The following ZNF438 variants were observed in gnomAD, a reference collection of about 807,000 sequenced individuals.
ZNF438 encodes zinc finger protein 438.
A neutral mutation model predicts 38.0 loss-of-function variants in ZNF438; 25 were observed. The ratio of observed to expected loss-of-function variants is 0.66; its 90% CI spans 0.48 to 0.92. The LOEUF (loss-of-function observed/expected upper bound fraction) is 0.92, where lower values mean the gene tolerates loss of function less well. Among genes scored for constraint, ZNF438 ranks in the 40% least tolerant of loss-of-function variants. The probability of loss-of-function intolerance (pLI) is 0.00; values close to 1 mark genes in which losing one functional copy is unlikely to be tolerated. For synonymous variants in ZNF438, 372 were observed against 364.1 expected, an observed-to-expected ratio of 1.02 and a Z score of -0.25; for missense variants, 1,007 against 999.6, an observed-to-expected ratio of 1.01 and a Z score of -0.10.
chr10:30,865,176 C>T (rs2036223202), intron 4 of ZNF438, among the ~76,000 whole-genome samples: 1 of 152,224 alleles, frequency 6.6e-6, no homozygotes, highest in Non-Finnish European at 1.5e-5. Context: ...TTTTGAACAA[C>T]CTTTTTCCAA....
intron 1 of ZNF438, among the ~76,000 whole-genome samples, chr10:30,976,474 G>A (rs2051361648): frequency 6.6e-6 from 1 of 152,190 alleles, no homozygotes; most frequent in African/African-American, 2.4e-5. Flanking sequence ...GGGTGCAGTG[G>A]CACACACCTG....
At chr10:30,916,525 T>G (rs2043657761) in intron 2 of ZNF438, among the ~76,000 whole-genome samples, 2 of 152,056 alleles carry the variant, frequency 1.3e-5, no homozygotes, top group South Asian at 4.1e-4. Context: ...GCTATCCTTT[T>G]TTGTTGTTGT....
At chr10:30,872,834 AT>A (rs1432838434) in intron 4 of ZNF438, among the ~76,000 whole-genome samples, 11 of 152,114 alleles carry the variant, frequency 7.2e-5, no homozygotes, top group Admixed American at 5.2e-4. Context: ...CCAATGAACA[AT>A]GAGACTTGCA....
chr10:31,002,174 T>C (rs1248994349), intron 1 of ZNF438, among the ~76,000 whole-genome samples: 1 of 152,242 alleles, frequency 6.6e-6, no homozygotes, highest in Non-Finnish European at 1.5e-5. Context: ...ATTTTCAGTA[T>C]TTTCGAAAGA....
chr10:30,917,079 C>A (rs2043724114), intron 2 of ZNF438, among the ~76,000 whole-genome samples: 4 of 151,870 alleles, frequency 2.6e-5, no homozygotes, highest in Admixed American at 2.6e-4. Flanking sequence ...ACCTTGTAAC[C>A]CAAATCATTA....
chr10:31,012,299 A>G (rs529100329), intron 1 of ZNF438, among the ~76,000 whole-genome samples: 1 of 151,426 alleles, frequency 6.6e-6, no homozygotes, highest in East Asian at 2.0e-4. Flanking sequence ...AATTTTTTGT[A>G]TTTTTAGTAG....
chr10:30,875,592 G>T, intron 4 of ZNF438: 1 of 985,130 alleles, frequency 1.0e-6, no homozygotes, highest in Non-Finnish European at 1.2e-6. Context: ...AAATCTTCCA[G>T]AGGATATATA....
chr10:30,935,613 AGT>A (rs1207760596), intron 2 of ZNF438, among the ~76,000 whole-genome samples: 1 of 152,176 alleles, frequency 6.6e-6, no homozygotes, highest in Non-Finnish European at 1.5e-5. Context: ...AGATTTGGAG[AGT>A]GTATTAGTCT....
intron 1 of ZNF438, among the ~76,000 whole-genome samples, chr10:30,951,066 C>T (rs979069728): frequency 1.4e-4 from 20 of 140,590 alleles, no homozygotes; most frequent in African/African-American, 5.0e-4. Context: ...AAGTGGGCTT[C>T]ATCCCTGGGA....
chr10:31,005,988 T>G (rs1357283255), intron 1 of ZNF438, among the ~76,000 whole-genome samples: 1 of 152,216 alleles, frequency 6.6e-6, no homozygotes, highest in African/African-American at 2.4e-5. Flanking sequence ...ATTAACAGAT[T>G]GTGGTACACA....
chr10:30,852,968 C>CT (rs951610433), intron 4 of ZNF438, among the ~76,000 whole-genome samples: 140 of 145,742 alleles, frequency 9.6e-4, no homozygotes, highest in Middle Eastern at 7.0e-3. Context: ...ACCTTCTCAT[C>CT]TTTTTTTTTT....
chr10:30,905,170 T>C (rs1267516400), intron 3 of ZNF438, among the ~76,000 whole-genome samples: 1 of 152,234 alleles, frequency 6.6e-6, no homozygotes, highest in East Asian at 1.9e-4. Flanking sequence ...AGAGTAACTC[T>C]ATGTTTAACC....
intron 4 of ZNF438, among the ~76,000 whole-genome samples, chr10:30,873,207 G>GA (rs890910890): frequency 6.6e-6 from 1 of 152,098 alleles, no homozygotes; most frequent in African/African-American, 2.4e-5. Context: ...CCTAAATCCT[G>GA]AAAGAATGAT....
intron 4 of ZNF438, among the ~76,000 whole-genome samples, chr10:30,865,767 C>T (rs1418729938): frequency 2.0e-5 from 3 of 152,268 alleles, no homozygotes; most frequent in East Asian, 3.9e-4. Flanking sequence ...AGAGAGTAGA[C>T]GTCTGGCTTT....
chr10:31,013,865 T>G (rs2055955342), intron 1 of ZNF438, among the ~76,000 whole-genome samples: 1 of 152,232 alleles, frequency 6.6e-6, no homozygotes, highest in African/African-American at 2.4e-5. Flanking sequence ...ACTTCCTATT[T>G]GCCTCTTTTC....
intron 1 of ZNF438, among the ~76,000 whole-genome samples, chr10:31,026,395 A>AG (rs1281777509): frequency 9.1e-5 from 1 of 11,042 alleles, no homozygotes; most frequent in Non-Finnish European, 2.1e-4. Context: ...AATTTACAAG[A>AG]AAAAATCAAA....
chr10:30,928,696 A>G (rs1309372861), intron 2 of ZNF438, among the ~76,000 whole-genome samples: 1 of 152,152 alleles, frequency 6.6e-6, no homozygotes, highest in African/African-American at 2.4e-5. Flanking sequence ...ATCAGACCAG[A>G]CATTCAGTTA....
intron 1 of ZNF438, among the ~76,000 whole-genome samples, chr10:30,951,878 TCA>T (rs2048245884): frequency 6.6e-6 from 1 of 151,738 alleles, no homozygotes; most frequent in South Asian, 2.1e-4. Flanking sequence ...ATGCCTTTCT[TCA>T]CAGAATTGGA....
chr10:30,896,460 G>T (rs1330544557), intron 3 of ZNF438, among the ~76,000 whole-genome samples: 1 of 152,074 alleles, frequency 6.6e-6, no homozygotes, highest in African/African-American at 2.4e-5. Context: ...ACATACAATG[G>T]ATTATTCAAC....
Sources: gnomAD v4.1 joint callset for allele counts (sites outside exome capture counted in the v4.1 genomes callset) on GRCh38, gnomAD v4.1.1 for gene constraint, MANE v1.5 for transcripts, NCBI Gene and HGNC (gene_info 2026-07-23, HGNC 2026-07-21) for gene names.